Variants in CPE observed in about 807,000 individuals in gnomAD.
The protein encoded by CPE is carboxypeptidase E.
Under a neutral mutation model 53.5 loss-of-function variants are expected in CPE, and 17 were observed. The ratio of observed to expected loss-of-function variants is 0.32; its 90% CI spans 0.22 to 0.48. The LOEUF is 0.48. CPE is among the 20% of genes least tolerant of loss of function. CPE has a pLI of 0.99. For missense variants in CPE, 524 were observed against 614.7 expected, an observed-to-expected ratio of 0.85 and a Z score of 1.56; for synonymous variants, 226 against 228.8, an observed-to-expected ratio of 0.99 and a Z score of 0.11.
Position 165,497,934 on chromosome 4 carries a change from G to A in CPE, c.*324G>A, listed in dbSNP as rs1026811254. ...ATGCAGAATTTTTTGAGTAATTCTA[G>A]CTTTCAAAAATTAGTGAAGTTCTTT... On this transcript the variant is annotated 3_prime_UTR_variant, in exon 9 of 9. Transcript: ENST00000402744. The A allele has an allele frequency of 6.3e-6, 1 of 159,594 alleles. No individual in the cohort carries two copies. Among genetic ancestry groups the A allele is most frequent in the African/African-American group, 2.4e-5 (1 of 41,754 alleles). The allele number at this position is 159,594 out of a possible 1,614,324, so 9.9% of individuals were successfully genotyped here. A position where few individuals can be genotyped will look rare whatever the true frequency, so the allele number is the denominator to read the frequency against.
Position 165,484,422 on chromosome 4 carries a change from G to A in CPE, c.791G>A (p.Gly264Asp). The change falls in exon 5 of 9, where the codon GGT becomes GAT. Residue 264 changes from glycine to aspartate, a missense_variant and splice_region_variant. Gly to Asp is a moderately conservative substitution (Grantham distance 94). Coordinates refer to ENST00000402744, the MANE Select transcript of CPE (RefSeq NM_001873.4). ...TTAATCTTGTGGATTTGTTTTCTAGGTAGTGCTCACGAATACAGCTCCTCC... is the reference window on the plus strand; with the variant it reads ...TTAATCTTGTGGATTTGTTTTCTAGATAGTGCTCACGAATACAGCTCCTCC... Reference protein sequence around the residue: ...ANYPYDETRSGSAHEYSSSPD... With the variant: ...ANYPYDETRSDSAHEYSSSPD... 6.2e-7 allele frequency: 1 copy of A among 1,613,242 alleles called. No homozygotes were observed. Among genetic ancestry groups the A allele is most frequent in the African/African-American group, 1.3e-5 (1 of 74,978 alleles).
At position 165,498,335 on chromosome 4, in the gene CPE, A is replaced by G. The variant is rs1321441479; in HGVS notation, c.*725A>G. ...AAAAAATCCCCAGTGCATGTATTTCAGTTCTCTAAGATTTTTGGTCTGGCA... is the reference window on the plus strand; with the variant it reads ...AAAAAATCCCCAGTGCATGTATTTCGGTTCTCTAAGATTTTTGGTCTGGCA... On this transcript the variant is annotated 3_prime_UTR_variant, in exon 9 of 9. Coordinates refer to ENST00000402744, the MANE Select transcript of CPE (RefSeq NM_001873.4). The G allele has an allele frequency of 1.3e-5, 2 of 152,184 alleles. No individual in the cohort carries two copies. Among genetic ancestry groups the G allele is most frequent in the African/African-American group, 2.4e-5 (1 of 41,454 alleles). The allele number at this position is 152,184 out of a possible 1,614,324, so 9.4% of individuals were successfully genotyped here. A position where few individuals can be genotyped will look rare whatever the true frequency, so the allele number is the denominator to read the frequency against.
At chr4:165,401,235 C>G (rs934389154) in intron 1 of CPE, among the ~76,000 whole-genome samples, 53 of 152,192 alleles carry the variant, frequency 3.5e-4, no homozygotes, top group African/African-American at 1.2e-3. Flanking sequence ...GGTTTCTTCT[C>G]TTCGTTACAC....
intron 6 of CPE, among the ~76,000 whole-genome samples, chr4:165,489,088 ACT>A (rs1363806402): frequency 2.0e-5 from 3 of 152,166 alleles, no homozygotes; most frequent in East Asian, 3.9e-4. Flanking sequence ...GTCCACGATG[ACT>A]CTAGAACAAC....
rs1242610459 is a variant in CPE at position 165,379,402 on chromosome 4, G to C, written c.181G>C (p.Glu61Gln). ...GTACCACCGCTACCCCGAGCTGCGCGAGGCGCTCGTGTCCGTGTGGCTGCA... is the reference window on the plus strand; with the variant it reads ...GTACCACCGCTACCCCGAGCTGCGCCAGGCGCTCGTGTCCGTGTGGCTGCA... ...FEYHRYPELR[E>Q]ALVSVWLQCT... Residue 61 changes from glutamate to glutamine, a missense_variant, in exon 1 of 9, where the codon GAG becomes CAG. Coordinates refer to ENST00000402744, the MANE Select transcript of CPE (RefSeq NM_001873.4). This position sits in a 1 kb window ranked among gnomAD's most constrained non-coding sequence, Gnocchi z 6.0. 2 of 1,609,994 alleles carry C rather than the reference G, an allele frequency of 1.2e-6. No individual in the cohort carries two copies. The highest frequency in any genetic ancestry group is 2.2e-5 in the South Asian group (2 of 90,498).
At chr4:165,432,702 C>T (rs555131722) in intron 1 of CPE, among the ~76,000 whole-genome samples, 21 of 152,088 alleles carry the variant, frequency 1.4e-4, no homozygotes, top group South Asian at 4.2e-4. Context: ...ATGTTTCAGA[C>T]GGATTATTCA....
intron 1 of CPE, among the ~76,000 whole-genome samples, chr4:165,407,637 T>A (rs910889758): frequency 6.6e-6 from 1 of 151,820 alleles, no homozygotes; most frequent in Non-Finnish European, 1.5e-5. Context: ...AACCTCCACC[T>A]CCGAGGTTCA....
At chr4:165,385,234 T>A (rs1484891212) in intron 1 of CPE, among the ~76,000 whole-genome samples, 1 of 152,112 alleles carries the variant, frequency 6.6e-6, no homozygotes, top group African/African-American at 2.4e-5. Flanking sequence ...AAATATTCTT[T>A]TTTTACTTTC....
chr4:165,465,573 A>G (rs137891215), intron 2 of CPE, among the ~76,000 whole-genome samples: 186 of 152,264 alleles, frequency 1.2e-3, no homozygotes, highest in Non-Finnish European at 2.1e-3. Context: ...AAATATATCT[A>G]TATCATGTGA....
chr4:165,429,667 A>C (rs1339677275), intron 1 of CPE, among the ~76,000 whole-genome samples: 1 of 151,002 alleles, frequency 6.6e-6, no homozygotes, highest in Non-Finnish European at 1.5e-5. Context: ...GTGCCTCTGC[A>C]CTCCAGCTTG....
chr4:165,467,685 T>TA lies in CPE; in HGVS notation c.505-2dup. On this transcript the variant is annotated splice_polypyrimidine_tract_variant and splice_region_variant and intron_variant, in intron 2 of 8. Transcript: ENST00000402744. The stretch of plus-strand genomic sequence containing the variant: ...TTTTTCTCTTTGACTTTTTTTTTTT[T>TA]AGCCTGGTGAACTCAAGGACTGGTT... The TA allele has an allele frequency of 6.4e-7, 1 of 1,563,650 alleles. No individual in the cohort carries two copies. The highest frequency in any genetic ancestry group is 8.6e-7 in the Non-Finnish European group (1 of 1,161,120).
At chr4:165,442,047 G>GTTTTT (rs1054878301) in intron 1 of CPE, among the ~76,000 whole-genome samples, 17 of 57,106 alleles carry the variant, frequency 3.0e-4, no homozygotes, top group African/African-American at 9.4e-4. Context: ...TTTTTTTTTT[G>GTTTTT]TTTTTTTTTT....
In CPE at chr4:165,406,159, G is replaced by T. The variant is rs150592019; in HGVS notation, c.307+26631G>T. Reference sequence around the variant, plus strand: ...CTGAATGCAGCTGTTTGTTTATTCAGCGTATTTATCTTTGAATGGGGAGAG... The same window carrying T: ...CTGAATGCAGCTGTTTGTTTATTCATCGTATTTATCTTTGAATGGGGAGAG... On this transcript the variant is annotated intron_variant, in intron 1 of 8. Coordinates refer to ENST00000402744, the MANE Select transcript of CPE (RefSeq NM_001873.4). The T allele has an allele frequency of 4.9e-4, 361 of 734,132 alleles. 6 individuals are homozygous for T. The East Asian group carries it at 9.3e-3, about 19-fold the overall frequency. The allele number at this position is 734,132 out of a possible 1,614,324, so 45.5% of individuals were successfully genotyped here.
intron 1 of CPE, among the ~76,000 whole-genome samples, chr4:165,392,619 A>G (rs901832390): frequency 5.5e-5 from 8 of 146,470 alleles, no homozygotes; most frequent in Non-Finnish European, 1.0e-4. Flanking sequence ...GTATAAATAT[A>G]CTATTATAAT....
chr4:165,471,775 A>G (rs1321234460), intron 3 of CPE, among the ~76,000 whole-genome samples: 1 of 152,190 alleles, frequency 6.6e-6, no homozygotes. Context: ...CTGTACAGGG[A>G]CTGTGTAGAC....
rs1491161430 is a variant in CPE, at chr4:165,481,016, A to ATATAT, written c.673-1225_673-1224insATATT. On this transcript the variant is annotated intron_variant, in intron 3 of 8. Transcript: ENST00000402744. The stretch of plus-strand genomic sequence containing the variant: ...AATGGATATATATATATATATATAT[A>ATATAT]TTTTTTTTTTTTTTTTTAGCAAAAA... 5.0e-4 allele frequency among the ~76,000 whole-genome samples: 55 copies of ATATAT among 110,988 alleles called. 1 individual carries two copies. The highest frequency in any genetic ancestry group is 8.6e-4 in the Admixed American group (9 of 10,502). The allele number at this position is 110,988 out of a possible 152,430, so 72.8% of individuals were successfully genotyped here.
chr4:165,397,381 G>A (rs1560869243), intron 1 of CPE, among the ~76,000 whole-genome samples: 1 of 152,154 alleles, frequency 6.6e-6, no homozygotes, highest in Admixed American at 6.5e-5. Context: ...TAACATCACA[G>A]GTTTGTAAGT....
chr4:165,394,672 C>T (rs557301788), intron 1 of CPE, among the ~76,000 whole-genome samples: 192 of 147,188 alleles, frequency 1.3e-3, no homozygotes, highest in Non-Finnish European at 2.3e-3. Flanking sequence ...CCCAGTAGTT[C>T]GAGACCAGCT....
rs1579287827 is a variant in CPE, at chr4:165,498,408, A to G, written c.*798A>G. On this transcript the variant is annotated 3_prime_UTR_variant, in exon 9 of 9. Transcript: ENST00000402744. ...TGTATCCTCTTAATGGCGGCTTCTC[A>G]TATATTCATCCTGTACATTTTAAAA... is the stretch of plus-strand genomic sequence containing the variant. 1 of 152,290 alleles carries G rather than the reference A, an allele frequency of 6.6e-6. No individual in the cohort carries two copies. The highest frequency in any genetic ancestry group is 1.9e-4 in the East Asian group (1 of 5,188). 9.4% of individuals were successfully genotyped at this position (152,290 alleles called of 1,614,324 possible).
Sources: allele counts gnomAD v4.1 joint callset (sites outside exome capture counted in the v4.1 genomes callset), GRCh38; gene constraint gnomAD v4.1.1; non-coding constraint Gnocchi (gnomAD v3.1); transcripts MANE v1.5; gene names NCBI Gene and HGNC (gene_info 2026-07-23, HGNC 2026-07-21).